XKR4: variants seen among roughly 807,000 people sequenced by gnomAD.
XKR4 encodes the protein XK related 4.
XKR4 carries 12 observed loss-of-function variants against 53.9 expected under a neutral mutation model. The ratio of observed to expected loss-of-function variants is 0.22; its 90% CI spans 0.14 to 0.36. The LOEUF is 0.36. Ranked by LOEUF, XKR4 falls within the 10% of genes least tolerant of loss-of-function variation. The probability of loss-of-function intolerance (pLI) is 1.00; values close to 1 mark genes in which losing one functional copy is unlikely to be tolerated. For missense variants in XKR4, 799 were observed against 859.5 expected (o/e 0.93, Z 0.88); for synonymous variants, 354 against 362.4 (o/e 0.98, Z 0.26).
chr8:55,496,609 AT>A (rs1319320709), intron 2 of XKR4, among the ~76,000 whole-genome samples: 1 of 152,176 alleles, frequency 6.6e-6, no homozygotes, highest in African/African-American at 2.4e-5. Context: ...CTTTGGACAA[AT>A]TTCTTCTTTA....
chr8:55,383,658 G>T (rs1404804711), intron 2 of XKR4, among the ~76,000 whole-genome samples: 1 of 152,160 alleles, frequency 6.6e-6, no homozygotes, highest in Non-Finnish European at 1.5e-5. Context: ...TTAGAACAGT[G>T]TTCTAATTGT....
Position 55,532,780 on chromosome 8 carries a change from G to GA in XKR4, c.*8554dup. 9.1e-6 allele frequency: 1 copy of GA among 110,080 alleles called. No homozygotes were observed. Among genetic ancestry groups the GA allele is most frequent in the East Asian group, 2.9e-4 (1 of 3,440 alleles). 6.8% of individuals were successfully genotyped at this position (110,080 alleles called of 1,614,324 possible). A position where few individuals can be genotyped will look rare whatever the true frequency, so the allele number is the denominator to read the frequency against. On this transcript the variant is annotated 3_prime_UTR_variant, in exon 3 of 3. Transcript: ENST00000327381. ...CCACTGCACTCCAGCCTGGGTGACA[G>GA]AGCAAGACTCCGTCTCAAAAAAAAA...
At chr8:55,326,919 T>C (rs1803303188) in intron 1 of XKR4, among the ~76,000 whole-genome samples, 1 of 151,802 alleles carries the variant, frequency 6.6e-6, no homozygotes, top group Admixed American at 6.6e-5. Context: ...TGGCCAGTGG[T>C]CAAATGTGGG....
rs533474481 is a variant in XKR4 at position 55,118,948 on chromosome 8, C to CT, written c.806+15662dup. 3.3e-5 allele frequency among the ~76,000 whole-genome samples: 5 copies of CT among 151,746 alleles called. No homozygotes were observed. The South Asian group carries it at 1.0e-3, about 32-fold the overall frequency. ...GTAAGAAACATGAAAATCTATAGCA[C>CT]TTTTTTTTCATGATTTTCTTCCATA... On this transcript the variant is annotated intron_variant, in intron 1 of 2. Transcript: ENST00000327381.
intron 2 of XKR4, among the ~76,000 whole-genome samples, chr8:55,485,203 C>A (rs1226703460): frequency 1.3e-5 from 2 of 152,184 alleles, no homozygotes; most frequent in African/African-American, 4.8e-5. Flanking sequence ...AGGAGCAAAG[C>A]AAGATGTCCT....
At chr8:55,411,751 G>A (rs1804781332) in intron 2 of XKR4, among the ~76,000 whole-genome samples, 1 of 152,078 alleles carries the variant, frequency 6.6e-6, no homozygotes, top group Non-Finnish European at 1.5e-5. Context: ...CCTTTGCCCT[G>A]TCACCAAGGT....
chr8:55,189,238 C>A (rs935269732), intron 1 of XKR4, among the ~76,000 whole-genome samples: 8 of 152,186 alleles, frequency 5.3e-5, no homozygotes, highest in African/African-American at 1.9e-4. Flanking sequence ...GCCTAGCATA[C>A]TCTGAAAAAG....
rs146684039 is a variant in XKR4, at chr8:55,509,823, G to A, written c.1007-13458G>A. On this transcript the variant is annotated intron_variant, in intron 2 of 2. Transcript: ENST00000327381. The stretch of plus-strand genomic sequence containing the variant: ...AATAGGTCTGATCATCTGTTCTTTC[G>A]GCAAGAAAGGCATCTCTCACAGCCA... Among the ~76,000 whole-genome samples, 40 of 152,190 alleles carry A rather than the reference G, an allele frequency of 2.6e-4. 1 individual carries two copies. The East Asian group carries it at 5.4e-3, about 21-fold the overall frequency.
At chr8:55,203,041 C>T (rs1451481898) in intron 1 of XKR4, among the ~76,000 whole-genome samples, 2 of 152,200 alleles carry the variant, frequency 1.3e-5, no homozygotes, top group Admixed American at 1.3e-4. Context: ...CCCTGTGTAG[C>T]AAGGTACAAA....
chr8:55,162,915 G>A (rs1817006022), intron 1 of XKR4, among the ~76,000 whole-genome samples: 1 of 152,042 alleles, frequency 6.6e-6, no homozygotes, highest in Non-Finnish European at 1.5e-5. Context: ...ACATATATAT[G>A]GGGCATAATT....
intron 2 of XKR4, among the ~76,000 whole-genome samples, chr8:55,366,804 C>CCT (rs1054896540): frequency 2.6e-5 from 4 of 152,104 alleles, no homozygotes; most frequent in Non-Finnish European, 4.4e-5. Flanking sequence ...TTGGAATTAC[C>CCT]CTCTCTCTCC....
intron 2 of XKR4, among the ~76,000 whole-genome samples, chr8:55,431,379 C>T (rs1271127749): frequency 1.3e-5 from 2 of 152,148 alleles, no homozygotes; most frequent in Non-Finnish European, 2.9e-5. Context: ...ATTTATTTCA[C>T]ATTAAAGGGA....
intron 2 of XKR4, among the ~76,000 whole-genome samples, chr8:55,379,518 T>A (rs1804201297): frequency 6.6e-6 from 1 of 152,238 alleles, no homozygotes; most frequent in Non-Finnish European, 1.5e-5. Context: ...AGTCCCATGC[T>A]GGCTACCGGT....
intron 1 of XKR4, among the ~76,000 whole-genome samples, chr8:55,314,991 A>G (rs980235511): frequency 6.6e-6 from 1 of 152,170 alleles, no homozygotes; most frequent in African/African-American, 2.4e-5. Context: ...AACGCTGTGC[A>G]TTTGCCGTTC....
intron 1 of XKR4, among the ~76,000 whole-genome samples, chr8:55,255,524 A>G (rs1288505850): frequency 6.6e-6 from 1 of 152,154 alleles, no homozygotes; most frequent in Non-Finnish European, 1.5e-5. Flanking sequence ...TTGTCTTTGG[A>G]TTCTCAGCAC....
intron 2 of XKR4, chr8:55,454,882 T>C (rs1805534390): frequency 1.3e-6 from 1 of 765,022 alleles, no homozygotes; most frequent in Admixed American, 1.8e-5. Flanking sequence ...GCGCGTGTCG[T>C]TTCCTGCTCC....
At chr8:55,324,683 A>T (rs1803268221) in intron 1 of XKR4, among the ~76,000 whole-genome samples, 1 of 152,194 alleles carries the variant, frequency 6.6e-6, no homozygotes, top group Non-Finnish European at 1.5e-5. Flanking sequence ...ATTTTGTGTT[A>T]GAATGCAGTG....
At chr8:55,519,421 C>T (rs1314061868) in intron 2 of XKR4, among the ~76,000 whole-genome samples, 1 of 152,158 alleles carries the variant, frequency 6.6e-6, no homozygotes, top group Non-Finnish European at 1.5e-5. Context: ...TTATATATTC[C>T]TGCCTAGCAA....
chr8:55,142,068 C>A, intron 1 of XKR4: 1 of 456,012 alleles, frequency 2.2e-6, no homozygotes, highest in Non-Finnish European at 4.4e-6. Flanking sequence ...GCCTTGCAGC[C>A]TCCCTGGTGA....
Sources: gnomAD v4.1 joint callset for allele counts (sites outside exome capture counted in the v4.1 genomes callset) on GRCh38, gnomAD v4.1.1 for gene constraint, MANE v1.5 for transcripts, NCBI Gene and HGNC (gene_info 2026-07-23, HGNC 2026-07-21) for gene names.